Variants in DIAPH2 observed in about 807,000 individuals in gnomAD.
The protein encoded by DIAPH2 is protein diaphanous homolog 2.
DIAPH2 carries 35 observed loss-of-function variants against 92.7 expected under a neutral mutation model. The ratio of observed to expected loss-of-function variants is 0.38; its 90% CI spans 0.29 to 0.50. The LOEUF (loss-of-function observed/expected upper bound fraction) is 0.50. Among genes scored for constraint, DIAPH2 ranks in the 20% least tolerant of loss-of-function variants. DIAPH2 has a pLI of 0.94. For missense variants in DIAPH2, 701 were observed against 819.5 expected (o/e 0.86, Z 1.77); for synonymous variants, 301 against 280.4 (o/e 1.07, Z -0.73).
chrX:97,143,282 T>A (rs1213623839), intron 22 of DIAPH2, among the ~76,000 whole-genome samples: 2 of 110,822 alleles, frequency 1.8e-5, no homozygotes, highest in Non-Finnish European at 3.8e-5. Context: ...GTGTTGTAAT[T>A]TGAAATGTAT....
At chrX:97,482,921 G>A (rs1287066687) in intron 26 of DIAPH2, among the ~76,000 whole-genome samples, 2 of 111,320 alleles carry the variant, frequency 1.8e-5, no homozygotes, top group Non-Finnish European at 3.8e-5. Context: ...AACATGCTCT[G>A]GGGTGGGGGG....
At chrX:97,469,335 G>A (rs1437841411) in intron 26 of DIAPH2, among the ~76,000 whole-genome samples, 1 of 111,826 alleles carries the variant, frequency 8.9e-6, no homozygotes, top group Non-Finnish European at 1.9e-5. Context: ...CAATAGATTC[G>A]AGTAGTGAAG....
chrX:96,879,184 G>A (rs1172092907), intron 4 of DIAPH2, among the ~76,000 whole-genome samples: 1 of 111,628 alleles, frequency 9.0e-6, no homozygotes, highest in Non-Finnish European at 1.9e-5. Flanking sequence ...AGGTAATACT[G>A]TAAATGATAT....
intron 26 of DIAPH2, among the ~76,000 whole-genome samples, chrX:97,584,796 C>CA (rs1245558945): frequency 1.8e-5 from 2 of 112,299 alleles, no homozygotes; most frequent in African/African-American, 6.5e-5. Flanking sequence ...AATCAGGAAG[C>CA]AAAAAAGTAT....
chrX:96,945,402 A>G, intron 13 of DIAPH2, 125 bp from the exon 14 acceptor site: 1 of 472,636 alleles, frequency 2.1e-6, no homozygotes, highest in Non-Finnish European at 3.6e-6. Context: ...GTATAGGTCA[A>G]TTTCCATTTA....
chrX:96,725,335 C>T (rs1299412154), intron 1 of DIAPH2, among the ~76,000 whole-genome samples: 1 of 111,655 alleles, frequency 9.0e-6, no homozygotes, highest in East Asian at 2.8e-4. Context: ...TATCACTACT[C>T]AGCATAGAAT....
chrX:97,289,800 C>A (rs1031439927), intron 23 of DIAPH2, among the ~76,000 whole-genome samples: 1 of 109,340 alleles, frequency 9.1e-6, no homozygotes, highest in Non-Finnish European at 1.9e-5. Flanking sequence ...TTTCTGCTCA[C>A]TGTAACCTCT....
intron 22 of DIAPH2, among the ~76,000 whole-genome samples, chrX:97,189,438 C>CA (rs1363375513): frequency 1.4e-4 from 13 of 90,307 alleles, no homozygotes; most frequent in African/African-American, 5.4e-4. Flanking sequence ...CGTCCCCCCC[C>CA]CTCCCTCCCT....
chrX:97,395,110 AT>A (rs1286004188), intron 25 of DIAPH2, among the ~76,000 whole-genome samples: 1 of 112,010 alleles, frequency 8.9e-6, no homozygotes, highest in Non-Finnish European at 1.9e-5. Flanking sequence ...GTTAAATGTT[AT>A]CCCTTTGATA....
intron 26 of DIAPH2, among the ~76,000 whole-genome samples, chrX:97,584,695 C>G (rs1253596384): frequency 8.9e-6 from 1 of 112,179 alleles, no homozygotes. Context: ...AATAGGATGT[C>G]TGCTCCAGAA....
intron 26 of DIAPH2, among the ~76,000 whole-genome samples, chrX:97,435,136 G>C (rs1278507034): frequency 9.0e-6 from 1 of 111,600 alleles, no homozygotes; most frequent in Non-Finnish European, 1.9e-5. Context: ...GTAAAAAACC[G>C]ATGATTTGCT....
At chrX:96,744,802 T>G (rs967146006) in intron 3 of DIAPH2, among the ~76,000 whole-genome samples, 2 of 111,691 alleles carry the variant, frequency 1.8e-5, no homozygotes, top group Non-Finnish European at 3.8e-5. Flanking sequence ...TGGGTGTCTT[T>G]CCTTGTACAA....
At chrX:97,245,492 C>T (rs981874112) in intron 22 of DIAPH2, among the ~76,000 whole-genome samples, 5 of 110,464 alleles carry the variant, frequency 4.5e-5, no homozygotes, top group African/African-American at 1.3e-4. Flanking sequence ...AGGCTGCTCT[C>T]GAACTCCTGG....
At chrX:97,195,178 AG>A (rs761793333) in intron 22 of DIAPH2, among the ~76,000 whole-genome samples, 13 of 112,237 alleles carry the variant, frequency 1.2e-4, no homozygotes, top group Non-Finnish European at 2.1e-4. Context: ...AAAATTAAAA[AG>A]TAAATGATAT....
At chrX:97,293,442 G>A (rs762035313) in intron 23 of DIAPH2, among the ~76,000 whole-genome samples, 100 of 109,172 alleles carry the variant, frequency 9.2e-4, no homozygotes, top group African/African-American at 3.1e-3. Flanking sequence ...TAGTGGAGAC[G>A]GGGTTTCACC....
intron 25 of DIAPH2, among the ~76,000 whole-genome samples, chrX:97,388,588 C>CT (rs200930250): frequency 0.028 from 3,061 of 111,012 alleles, 34 homozygotes; most frequent in Middle Eastern, 0.042. Flanking sequence ...CATAGTTCAA[C>CT]TTATAGCATG....
chrX:97,019,469 A>G (rs1281563984), intron 17 of DIAPH2, among the ~76,000 whole-genome samples: 1 of 110,938 alleles, frequency 9.0e-6, no homozygotes, highest in African/African-American at 3.3e-5. Flanking sequence ...TCACCACCCA[A>G]TACAAAATCT....
chrX:97,404,550 T>C (rs1322339799), intron 25 of DIAPH2, among the ~76,000 whole-genome samples: 1 of 112,166 alleles, frequency 8.9e-6, no homozygotes, highest in Non-Finnish European at 1.9e-5. Context: ...TCAGATGCTC[T>C]TTAGTATTCA....
At chrX:97,087,754 C>T (rs2066793786) in intron 19 of DIAPH2, among the ~76,000 whole-genome samples, 1 of 111,890 alleles carries the variant, frequency 8.9e-6, no homozygotes, top group Non-Finnish European at 1.9e-5. Flanking sequence ...ACCTGTCACT[C>T]TTTCTGGCCA....
Sources: gnomAD v4.1 joint callset for allele counts (sites outside exome capture counted in the v4.1 genomes callset) on GRCh38, gnomAD v4.1.1 for gene constraint, MANE v1.5 for transcripts, NCBI Gene and HGNC (gene_info 2026-07-23, HGNC 2026-07-21) for gene names.